CLDN14: variants seen among roughly 807,000 people sequenced by gnomAD.
CLDN14 encodes claudin-14.
Under a neutral mutation model 2.1 loss-of-function variants are expected in CLDN14, and 2 were observed. The ratio of observed to expected loss-of-function variants is 0.96; its 90% CI spans 0.39 to 3.01. The LOEUF (loss-of-function observed/expected upper bound fraction) is 3.01, where lower values mean the gene tolerates loss of function less well. CLDN14 is among the 30% of genes most tolerant of loss of function. The pLI, the probability that CLDN14 is intolerant of heterozygous loss-of-function variation, is 0.09. For missense variants in CLDN14, 298 were observed against 328.0 expected, an observed-to-expected ratio of 0.91 and a Z score of 0.71; for synonymous variants, 136 against 154.4, an observed-to-expected ratio of 0.88 and a Z score of 0.88.
In CLDN14 at chr21:36,470,403, G is replaced by A. The variant is rs951107428; in HGVS notation, c.-81-8627C>T. ...TGCAGACGGAGGCAGAGAGTGGAGC[G>A]AGAAGTTACCAAGTCAAGGAATGTG... On this transcript the variant is annotated intron_variant, in intron 1 of 1. Transcript: ENST00000399135. Among the ~76,000 whole-genome samples the A allele has an allele frequency of 1.1e-4, 16 of 152,188 alleles. No homozygotes were observed. The East Asian group carries it at 1.7e-3, about 16-fold the overall frequency.
chr21:36,473,940 C>G (rs1272861448), intron 1 of CLDN14, among the ~76,000 whole-genome samples: 1 of 152,188 alleles, frequency 6.6e-6, no homozygotes, highest in African/African-American at 2.4e-5. Context: ...GTCATCTGAG[C>G]ACTGAGAAGT....
intron 1 of CLDN14, among the ~76,000 whole-genome samples, chr21:36,473,385 G>A (rs995884014): frequency 1.3e-5 from 2 of 152,234 alleles, no homozygotes; most frequent in African/African-American, 4.8e-5. Context: ...ACTGTGCCTG[G>A]CCCACCCTGC....
intron 1 of CLDN14, among the ~76,000 whole-genome samples, chr21:36,520,911 G>A (rs1449554892): frequency 2.6e-5 from 4 of 152,138 alleles, no homozygotes; most frequent in African/African-American, 9.6e-5. Context: ...CATGGACTGG[G>A]CTCACTGATC....
intron 1 of CLDN14, among the ~76,000 whole-genome samples, chr21:36,569,146 C>T (rs1386703073): frequency 3.9e-5 from 6 of 152,140 alleles, no homozygotes; most frequent in African/African-American, 1.4e-4. Context: ...GGGGTGGGGG[C>T]GTGGCTCACG....
chr21:36,470,611 G>C (rs1388465328), intron 1 of CLDN14, among the ~76,000 whole-genome samples: 1 of 152,194 alleles, frequency 6.6e-6, no homozygotes, highest in Non-Finnish European at 1.5e-5. Context: ...CCAGGTTGTG[G>C]TGCTTTGTCA....
At chr21:36,560,738 T>TA in intron 1 of CLDN14, among the ~76,000 whole-genome samples, 1 of 152,228 alleles carries the variant, frequency 6.6e-6, no homozygotes. Flanking sequence ...TATTTGTTGT[T>TA]ACTACAATTC....
At chr21:36,508,517 C>T (rs1020451488) in intron 2 of CLDN14, among the ~76,000 whole-genome samples, 3 of 152,164 alleles carry the variant, frequency 2.0e-5, no homozygotes, top group African/African-American at 7.2e-5. Flanking sequence ...ATAGAGCACG[C>T]AGTCCTTCTA....
chr21:36,524,536 C>T (rs1340192852), intron 1 of CLDN14, among the ~76,000 whole-genome samples: 1 of 152,218 alleles, frequency 6.6e-6, no homozygotes, highest in East Asian at 1.9e-4. Context: ...GTCATGATAT[C>T]AAGTGAGGCA....
intron 2 of CLDN14, among the ~76,000 whole-genome samples, chr21:36,497,115 G>A (rs1288351286): frequency 3.6e-4 from 9 of 25,164 alleles, no homozygotes; most frequent in East Asian, 1.7e-3. Context: ...GGGAGGAAGG[G>A]AGGGAGGAAG....
Position 36,498,271 on chromosome 21 carries a change from G to A in CLDN14, c.-82+12092C>T, listed in dbSNP as rs1173193174. On this transcript the variant is annotated intron_variant, in intron 2 of 2. Coordinates refer to the CLDN14 transcript ENST00000342108. This position sits in a 1 kb window ranked among gnomAD's most constrained non-coding sequence, Gnocchi z 4.9. ...CTGCCTTGGCCTCCCAAAGTGCTGG[G>A]ATTATAGACATGAGCCACTGCGCCC... Among the ~76,000 whole-genome samples the A allele has an allele frequency of 6.6e-6, 1 of 152,198 alleles. No homozygotes were observed. The highest frequency in any genetic ancestry group is 1.5e-5 in the Non-Finnish European group (1 of 68,042).
At chr21:36,507,250 A>C (rs570027397) in intron 2 of CLDN14, among the ~76,000 whole-genome samples, 1 of 152,246 alleles carries the variant, frequency 6.6e-6, no homozygotes, top group African/African-American at 2.4e-5. Context: ...AGGAAAAAAC[A>C]CACAACTCCC....
chr21:36,546,996 C>T (rs1167445928), intron 1 of CLDN14, among the ~76,000 whole-genome samples: 1 of 152,166 alleles, frequency 6.6e-6, no homozygotes, highest in South Asian at 2.1e-4. Flanking sequence ...AGCGATGCTG[C>T]TCAATGCCCT....
intron 1 of CLDN14, among the ~76,000 whole-genome samples, chr21:36,569,051 C>T (rs2087691285): frequency 6.6e-6 from 1 of 152,162 alleles, no homozygotes; most frequent in African/African-American, 2.4e-5. Flanking sequence ...ATGGCATTTA[C>T]AATATAAGGA....
chr21:36,485,880 T>A, intron 2 of CLDN14: 1 of 603,516 alleles, frequency 1.7e-6, no homozygotes, highest in African/African-American at 1.9e-5. Flanking sequence ...GTTGCCAAGC[T>A]TTATTTAGGC....
At chr21:36,539,627 G>T (rs1467644035) in intron 1 of CLDN14, among the ~76,000 whole-genome samples, 3 of 146,230 alleles carry the variant, frequency 2.1e-5, no homozygotes, top group Non-Finnish European at 4.5e-5. Context: ...AGTGTGTGTG[G>T]AGTGAGTGTG....
At chr21:36,493,325 T>C (rs2850113) in intron 2 of CLDN14, among the ~76,000 whole-genome samples, 115,804 of 151,906 alleles carry the variant, frequency 0.76, 44,845 homozygotes, top group Non-Finnish European at 0.84. Flanking sequence ...CTGCCTTCCC[T>C]GGGAGGCAGG....
intron 2 of CLDN14, among the ~76,000 whole-genome samples, chr21:36,502,119 A>G (rs6517354): frequency 0.82 from 125,366 of 152,072 alleles, 52,569 homozygotes; most frequent in Non-Finnish European, 0.91. Context: ...ACAGGGAACC[A>G]TCATGAGGAG....
intron 1 of CLDN14, among the ~76,000 whole-genome samples, chr21:36,471,582 G>T (rs907377490): frequency 6.6e-6 from 1 of 152,162 alleles, no homozygotes; most frequent in African/African-American, 2.4e-5. Context: ...CCAAATTTGG[G>T]GCAGAGTCCA....
chr21:36,572,422 A>G (rs1187161836), intron 1 of CLDN14, among the ~76,000 whole-genome samples: 2 of 151,946 alleles, frequency 1.3e-5, no homozygotes, highest in Admixed American at 1.3e-4. Context: ...CTGTTTCTCC[A>G]GCCACCAACC....
Sources: gnomAD v4.1 joint callset for allele counts (sites outside exome capture counted in the v4.1 genomes callset) on GRCh38, gnomAD v4.1.1 for gene constraint, Gnocchi (gnomAD v3.1) non-coding constraint, MANE v1.5 for transcripts, NCBI Gene and HGNC (gene_info 2026-07-23, HGNC 2026-07-21) for gene names.